The following CCND1 variants were observed in gnomAD, a reference collection of about 807,000 sequenced individuals.
CCND1 encodes G1/S-specific cyclin-D1.
CCND1 carries 9 observed loss-of-function variants against 26.1 expected under a neutral mutation model. The ratio of observed to expected loss-of-function variants is 0.35; its 90% CI spans 0.21 to 0.60. The LOEUF is 0.60. CCND1 is among the 20% of genes least tolerant of loss of function. The pLI is 0.79. For missense variants in CCND1, 335 were observed against 392.9 expected, an observed-to-expected ratio of 0.85 and a Z score of 1.25; for synonymous variants, 194 against 166.1, an observed-to-expected ratio of 1.17 and a Z score of -1.29.
At position 69,652,490 on chromosome 11, in the gene CCND1, G is replaced by A; in HGVS notation, c.*1208G>A. On this transcript the variant is annotated 3_prime_UTR_variant, in exon 5 of 5. Coordinates refer to ENST00000227507, the MANE Select transcript of CCND1 (RefSeq NM_053056.3). ...CTGCGTGCCAGTCAAGAAGAAAAAGGTTTGCATTCTCACATTGCCAGGATG... is the reference window on the plus strand; with the variant it reads ...CTGCGTGCCAGTCAAGAAGAAAAAGATTTGCATTCTCACATTGCCAGGATG... 1 of 233,422 alleles carries A rather than the reference G, an allele frequency of 4.3e-6. No homozygotes were observed. The highest frequency in any genetic ancestry group is 8.5e-6 in the Non-Finnish European group (1 of 118,054). The allele number at this position is 233,422 out of a possible 1,614,324, so 14.5% of individuals were successfully genotyped here.
chr11:69,644,092 T>G, intron 3 of CCND1, 101 bp downstream of exon 3: 1 of 1,185,826 alleles, frequency 8.4e-7, no homozygotes, highest in Non-Finnish European at 1.2e-6. Flanking sequence ...TCTGGGAAGA[T>G]GTCCCCAGAC....
At chr11:69,643,333 G>T in intron 2 of CCND1, 87 bp downstream of exon 2, 2 of 1,098,482 alleles carry the variant, frequency 1.8e-6, no homozygotes, top group South Asian at 1.5e-5. Flanking sequence ...GTGGCGGCCG[G>T]CCCGCCTCTG....
intron 4 of CCND1, 34 bp from the exon 5 acceptor site, chr11:69,651,084 C>T (rs1855847752): frequency 5.0e-6 from 8 of 1,597,316 alleles, no homozygotes; most frequent in Non-Finnish European, 6.8e-6. Flanking sequence ...TAAGGACCCC[C>T]TCTTCCCACC....
intron 4 of CCND1, among the ~76,000 whole-genome samples, chr11:69,650,861 G>A (rs748265988): frequency 6.6e-6 from 1 of 152,134 alleles, no homozygotes; most frequent in African/African-American, 2.4e-5. Context: ...CAGGGTGGGC[G>A]GGCAAGCATC....
intron 2 of CCND1, 27 bp from the exon 3 acceptor site, chr11:69,643,805 T>C (rs2120092997): frequency 6.3e-7 from 1 of 1,587,682 alleles, no homozygotes; most frequent in African/African-American, 1.3e-5. Flanking sequence ...GCACCTCCCC[T>C]GATGGCCGCT....
rs747230443 is a variant in CCND1 at position 69,651,367 on chromosome 11, G to A, written c.*85G>A. On this transcript the variant is annotated 3_prime_UTR_variant, in exon 5 of 5. Coordinates refer to ENST00000227507, the MANE Select transcript of CCND1 (RefSeq NM_053056.3). ...GCTCCCCTGACAGTCCCTCCTCTCC[G>A]GAGCATTTTGATACCAGAAGGGAAA... 2.1e-5 allele frequency: 25 copies of A among 1,173,054 alleles called. No individual in the cohort carries two copies. The East Asian group carries it at 4.4e-4, about 21-fold the overall frequency. The allele number at this position is 1,173,054 out of a possible 1,614,324, so 72.7% of individuals were successfully genotyped here.
chr11:69,645,146 C>T (rs1170217971), intron 3 of CCND1, among the ~76,000 whole-genome samples: 1 of 152,178 alleles, frequency 6.6e-6, no homozygotes, highest in Non-Finnish European at 1.5e-5. Context: ...GATGAAGATG[C>T]CAAGGATGTC....
At chr11:69,648,167 A>C (rs2120110550) in intron 4 of CCND1, 25 bp downstream of exon 4, 1 of 1,612,952 alleles carries the variant, frequency 6.2e-7, no homozygotes. Context: ...TGTCCCAGGC[A>C]GCCTTGCCGG....
Position 69,644,927 on chromosome 11 carries a change from G to A in CCND1, c.574+936G>A, listed in dbSNP as rs1178742399. Among the ~76,000 whole-genome samples, 11 of 152,172 alleles carry A rather than the reference G, an allele frequency of 7.2e-5. No homozygotes were observed. In the South Asian group the frequency reaches 8.3e-4, roughly 11 times the overall value. ...GGGTGACCTAGGCCACAAGGCCCAC[G>A]GGGCATCAAAGAGGCAGTAGCATCT... On this transcript the variant is annotated intron_variant, in intron 3 of 4. Transcript: ENST00000227507.
rs1855866499 is a variant in CCND1 at position 69,652,359 on chromosome 11, T to A, written c.*1077T>A. 4.3e-6 allele frequency: 1 copy of A among 233,586 alleles called. No individual in the cohort carries two copies. The allele number at this position is 233,586 out of a possible 1,614,324, so 14.5% of individuals were successfully genotyped here. On this transcript the variant is annotated 3_prime_UTR_variant, in exon 5 of 5. Transcript: ENST00000227507. Reference sequence around the variant, plus strand: ...TTTGTTGTGTGTGCAGGGAGGGCAGTTTTCTAATGGAATGGTTTGGGAATA... The same window carrying A: ...TTTGTTGTGTGTGCAGGGAGGGCAGATTTCTAATGGAATGGTTTGGGAATA...
rs1855882164 is a variant in CCND1, at chr11:69,653,518, T to C, written c.*2236T>C. Reference sequence around the variant, plus strand: ...CAATACCTCATGCTTCACTTAGCCATGGTGGACCCAGCGGGCAGGTTCTGC... The same window carrying C: ...CAATACCTCATGCTTCACTTAGCCACGGTGGACCCAGCGGGCAGGTTCTGC... On this transcript the variant is annotated 3_prime_UTR_variant, in exon 5 of 5. Transcript: ENST00000227507. 3 of 562,524 alleles carry C rather than the reference T, an allele frequency of 5.3e-6. No individual in the cohort carries two copies. Among genetic ancestry groups the C allele is most frequent in the Non-Finnish European group, 9.3e-6 (3 of 321,986 alleles). 34.8% of individuals were successfully genotyped at this position (562,524 alleles called of 1,614,324 possible). A position where few individuals can be genotyped will look rare whatever the true frequency, so the allele number is the denominator to read the frequency against.
At chr11:69,644,054 C>A (rs1855748245) in intron 3 of CCND1, 63 bp downstream of exon 3, 1 of 1,533,230 alleles carries the variant, frequency 6.5e-7, no homozygotes, top group South Asian at 1.1e-5. Flanking sequence ...TGACCCTGGC[C>A]GGCTTCTTGC....
intron 2 of CCND1, 157 bp downstream of exon 2, chr11:69,643,403 G>C: frequency 1.8e-6 from 1 of 567,810 alleles, no homozygotes; most frequent in Non-Finnish European, 2.9e-6. Flanking sequence ...TCCGGGGAGC[G>C]GGCGGGATCC....
In CCND1 at chr11:69,652,888, G is replaced by A. The variant is rs1004445319; in HGVS notation, c.*1606G>A. The A allele has an allele frequency of 2.7e-5, 7 of 263,384 alleles. No individual in the cohort carries two copies. Among genetic ancestry groups the A allele is most frequent in the African/African-American group, 1.5e-4 (7 of 45,972 alleles). 16.3% of individuals were successfully genotyped at this position (263,384 alleles called of 1,614,324 possible). The stretch of plus-strand genomic sequence containing the variant: ...TTATAGGTGAGAAAAAAACAATCTG[G>A]AAGAAAAAAACCACACAAAGACATT... On this transcript the variant is annotated 3_prime_UTR_variant, in exon 5 of 5. Transcript: ENST00000227507.
At chr11:69,646,882 A>G (rs145234693) in intron 3 of CCND1, among the ~76,000 whole-genome samples, 3 of 152,318 alleles carry the variant, frequency 2.0e-5, no homozygotes, top group East Asian at 3.9e-4. Context: ...GACGCCCACT[A>G]CTGCAGCCTG....
rs991600123 is a variant in CCND1 at position 69,651,652 on chromosome 11, G to A, written c.*370G>A. 4.0e-5 allele frequency: 10 copies of A among 249,794 alleles called. No individual in the cohort carries two copies. The highest frequency in any genetic ancestry group is 7.7e-6 in the Non-Finnish European group (1 of 130,006). The allele number at this position is 249,794 out of a possible 1,614,324, so 15.5% of individuals were successfully genotyped here. A position where few individuals can be genotyped will look rare whatever the true frequency, so the allele number is the denominator to read the frequency against. On this transcript the variant is annotated 3_prime_UTR_variant, in exon 5 of 5. Coordinates refer to ENST00000227507, the MANE Select transcript of CCND1 (RefSeq NM_053056.3). ...TTGTAAGAATAGGCATTAACACAAA[G>A]GAGGCGTCTCGGGAGAGGATTAGGT...
In CCND1 at chr11:69,647,933, C is replaced by T. The variant is rs552027740; in HGVS notation, c.575-61C>T. ...AGCCAGCACACAGGGATGCCCGGAT[C>T]ACGGGGGCCCTGAGAGGGTCCCCTG... On this transcript the variant is annotated intron_variant, in intron 3 of 4. Coordinates refer to ENST00000227507, the MANE Select transcript of CCND1 (RefSeq NM_053056.3). 17 of 1,587,348 alleles carry T rather than the reference C, an allele frequency of 1.1e-5. No individual in the cohort carries two copies. The African/African-American group carries it at 2.1e-4, about 20-fold the overall frequency.
chr11:69,651,722 A>C lies in CCND1; in HGVS notation c.*440A>C, dbSNP rs909730931. 8.5e-6 allele frequency: 2 copies of C among 234,912 alleles called. No individual in the cohort carries two copies. Among genetic ancestry groups the C allele is most frequent in the Non-Finnish European group, 1.7e-5 (2 of 119,366 alleles). The allele number at this position is 234,912 out of a possible 1,614,324, so 14.6% of individuals were successfully genotyped here. A position where few individuals can be genotyped will look rare whatever the true frequency, so the allele number is the denominator to read the frequency against. On this transcript the variant is annotated 3_prime_UTR_variant, in exon 5 of 5. Transcript: ENST00000227507. Reference sequence around the variant, plus strand: ...AAAAAAAGCATAAAAACATTTTAAAAACATAGAAAAATTCAGCAAACCATT... The same window carrying C: ...AAAAAAAGCATAAAAACATTTTAAACACATAGAAAAATTCAGCAAACCATT...
At position 69,641,156 on chromosome 11, in the gene CCND1, A is replaced by C; in HGVS notation, c.-158A>C. 1 of 699,940 alleles carries C rather than the reference A, an allele frequency of 1.4e-6. No homozygotes were observed. Among genetic ancestry groups the C allele is most frequent in the South Asian group, 1.7e-5 (1 of 59,574 alleles). 43.4% of individuals were successfully genotyped at this position (699,940 alleles called of 1,614,324 possible). A position where few individuals can be genotyped will look rare whatever the true frequency, so the allele number is the denominator to read the frequency against. On this transcript the variant is annotated 5_prime_UTR_variant, in exon 1 of 5. Transcript: ENST00000227507. ...GAAGTTGCAAAGTCCTGGAGCCTCC[A>C]GAGGGCTGTCGGCGCAGTAGCAGCG...
Sources: allele counts gnomAD v4.1 joint callset (sites outside exome capture counted in the v4.1 genomes callset), GRCh38; gene constraint gnomAD v4.1.1; transcripts MANE v1.5; gene names NCBI Gene and HGNC (gene_info 2026-07-23, HGNC 2026-07-21).